The following IL1RAPL1 variants were observed in gnomAD, a reference collection of about 807,000 sequenced individuals.
The protein encoded by IL1RAPL1 is interleukin 1 receptor accessory protein like 1, also known as interleukin-1 receptor accessory protein-like 1.
IL1RAPL1 carries 3 observed loss-of-function variants against 48.4 expected under a neutral mutation model. The ratio of observed to expected loss-of-function variants is 0.06; its 90% confidence interval spans 0.03 to 0.16. The LOEUF (loss-of-function observed/expected upper bound fraction) is 0.16, where lower values mean the gene tolerates loss of function less well. Ranked by LOEUF, IL1RAPL1 falls within the 10% of genes least tolerant of loss-of-function variation. The probability of loss-of-function intolerance (pLI) is 1.00; values close to 1 mark genes in which losing one functional copy is unlikely to be tolerated. For missense variants in IL1RAPL1, 349 were observed against 530.6 expected, an observed-to-expected ratio of 0.66 and a Z score of 3.36; for synonymous variants, 185 against 187.7, an observed-to-expected ratio of 0.99 and a Z score of 0.12.
chrX:28,790,924 G>T (rs1936531778), intron 2 of IL1RAPL1, among the ~76,000 whole-genome samples: 1 of 111,636 alleles, frequency 9.0e-6, no homozygotes, highest in East Asian at 2.8e-4. Flanking sequence ...TTCTGGAATA[G>T]AAATTTACAT....
At chrX:28,985,508 G>A (rs889383851) in intron 2 of IL1RAPL1, among the ~76,000 whole-genome samples, 4 of 111,888 alleles carry the variant, frequency 3.6e-5, no homozygotes, top group African/African-American at 9.8e-5. Context: ...CATGTTATAT[G>A]TTGCCATCCT....
chrX:29,716,414 C>G (rs1253198228), intron 6 of IL1RAPL1, among the ~76,000 whole-genome samples: 1 of 111,494 alleles, frequency 9.0e-6, no homozygotes, highest in African/African-American at 3.3e-5. Flanking sequence ...TTATCCTATT[C>G]CTCCCAACAG....
At chrX:29,493,999 A>T (rs1183783823) in intron 5 of IL1RAPL1, among the ~76,000 whole-genome samples, 1 of 109,153 alleles carries the variant, frequency 9.2e-6, no homozygotes, top group Admixed American at 9.7e-5. Context: ...GGTTCAAGTG[A>T]CTCCTCTGCC....
chrX:28,808,223 G>A (rs759881680), intron 2 of IL1RAPL1, among the ~76,000 whole-genome samples: 4 of 111,030 alleles, frequency 3.6e-5, no homozygotes, highest in African/African-American at 1.3e-4. Context: ...TTTAAGACTG[G>A]GAAAAATAAC....
At chrX:28,998,656 A>G (rs982975922) in intron 2 of IL1RAPL1, among the ~76,000 whole-genome samples, 3 of 112,237 alleles carry the variant, frequency 2.7e-5, no homozygotes, top group African/African-American at 9.7e-5. Flanking sequence ...GATAGGTTTT[A>G]TTGCAAAGAG....
At chrX:29,173,412 A>G (rs1280763434) in intron 2 of IL1RAPL1, among the ~76,000 whole-genome samples, 4 of 112,223 alleles carry the variant, frequency 3.6e-5, no homozygotes, top group Non-Finnish European at 7.5e-5. Context: ...GTTAATGACA[A>G]TGAATAGATA....
At chrX:29,879,015 T>C (rs930255371) in intron 6 of IL1RAPL1, among the ~76,000 whole-genome samples, 1 of 111,123 alleles carries the variant, frequency 9.0e-6, no homozygotes, top group Non-Finnish European at 1.9e-5. Context: ...ATAGAGTTCA[T>C]TGGGTGAATG....
intron 5 of IL1RAPL1, among the ~76,000 whole-genome samples, chrX:29,659,232 A>G (rs1602350413): frequency 8.9e-6 from 1 of 112,100 alleles, no homozygotes; most frequent in South Asian, 3.7e-4. Flanking sequence ...AGTTGTTATG[A>G]CCAACCATTC....
intron 2 of IL1RAPL1, among the ~76,000 whole-genome samples, chrX:29,144,304 A>G (rs976583158): frequency 3.6e-5 from 4 of 111,083 alleles, no homozygotes; most frequent in African/African-American, 1.3e-4. Flanking sequence ...CTTTAAAGGT[A>G]GGAAAATAAA....
intron 6 of IL1RAPL1, among the ~76,000 whole-genome samples, chrX:29,872,680 C>T (rs965694026): frequency 2.7e-5 from 3 of 111,800 alleles, no homozygotes; most frequent in Middle Eastern, 4.6e-3. Context: ...TTGTCAGATT[C>T]AGCTAACAAT....
rs145980019 is a variant in IL1RAPL1, at chrX:29,280,158, T to C, written c.83-2780T>C. 4.5e-3 allele frequency among the ~76,000 whole-genome samples: 507 copies of C among 112,392 alleles called. 4 individuals are homozygous for C. Among genetic ancestry groups the C allele is most frequent in the African/African-American group, 0.015 (479 of 31,005 alleles). On this transcript the variant is annotated intron_variant, in intron 2 of 10. Transcript: ENST00000378993. ...AAAAATTACCACCTAGGATTCATTT[T>C]ATGTAATGGGAAAATATACAAAACT...
At chrX:29,014,185 C>T (rs67157875) in intron 2 of IL1RAPL1, among the ~76,000 whole-genome samples, 5,921 of 111,296 alleles carry the variant, frequency 0.053, 189 homozygotes, top group African/African-American at 0.1. Context: ...AGTCCTGCTT[C>T]GGCCTCTTCT....
intron 6 of IL1RAPL1, among the ~76,000 whole-genome samples, chrX:29,705,138 G>C (rs767901727): frequency 8.9e-6 from 1 of 111,875 alleles, no homozygotes; most frequent in Non-Finnish European, 1.9e-5. Flanking sequence ...AAACCCAACT[G>C]TAAAGAATGA....
chrX:29,100,461 T>C (rs1235027408), intron 2 of IL1RAPL1, among the ~76,000 whole-genome samples: 1 of 111,327 alleles, frequency 9.0e-6, no homozygotes, highest in Non-Finnish European at 1.9e-5. Context: ...TTGACTGAAG[T>C]TCACCTACTA....
chrX:28,651,743 C>T (rs1934684993), intron 1 of IL1RAPL1, among the ~76,000 whole-genome samples: 1 of 112,187 alleles, frequency 8.9e-6, no homozygotes, highest in South Asian at 3.7e-4. Flanking sequence ...TTGGTATATT[C>T]TACTTTGTTA....
chrX:28,796,481 C>T (rs1340909164), intron 2 of IL1RAPL1, among the ~76,000 whole-genome samples: 1 of 111,774 alleles, frequency 8.9e-6, no homozygotes, highest in Non-Finnish European at 1.9e-5. Flanking sequence ...ACAGGCATTC[C>T]AAATGGGAGA....
chrX:28,744,511 CT>C (rs1202299077), intron 1 of IL1RAPL1, among the ~76,000 whole-genome samples: 2 of 111,115 alleles, frequency 1.8e-5, no homozygotes, highest in African/African-American at 6.5e-5. Flanking sequence ...TACAGTGATG[CT>C]TTTGCAGTTT....
intron 1 of IL1RAPL1, among the ~76,000 whole-genome samples, chrX:28,617,164 A>G (rs1316043503): frequency 8.9e-6 from 1 of 111,937 alleles, no homozygotes; most frequent in Admixed American, 9.5e-5. Context: ...GCAAAAAGAA[A>G]AAGATGTTAA....
In IL1RAPL1 at chrX:29,595,374, T is replaced by G. The variant is rs1314545173; in HGVS notation, c.704-73056T>G. On this transcript the variant is annotated intron_variant, in intron 5 of 10. Coordinates refer to ENST00000378993, the MANE Select transcript of IL1RAPL1 (RefSeq NM_014271.4). ...CCACCAGCAGTGTTACAGTGTTCCC[T>G]TTATACTACATCCATGCTAACATCT... is the stretch of plus-strand genomic sequence containing the variant. Among the ~76,000 whole-genome samples the G allele has an allele frequency of 8.0e-5, 9 of 112,240 alleles. No individual in the cohort carries two copies. In the East Asian group the frequency reaches 2.5e-3, roughly 31 times the overall value.
Sources: gnomAD v4.1 joint callset for allele counts (sites outside exome capture counted in the v4.1 genomes callset) on GRCh38, gnomAD v4.1.1 for gene constraint, MANE v1.5 for transcripts, NCBI Gene and HGNC (gene_info 2026-07-23, HGNC 2026-07-21) for gene names.